Variants in ZFAND3 observed in about 807,000 individuals in gnomAD.
ZFAND3 encodes zinc finger AN1-type containing 3, also known as AN1-type zinc finger protein 3.
In ZFAND3, 10 loss-of-function variants were observed where a neutral mutation model predicts 29.6. That is an observed-to-expected ratio of 0.34 (90% confidence interval 0.21 to 0.57). The LOEUF is 0.57. ZFAND3 is among the 20% of genes least tolerant of loss of function. ZFAND3 has a pLI of 0.86. For missense variants in ZFAND3, 230 were observed against 304.5 expected (o/e 0.76, Z 1.82); for synonymous variants, 128 against 112.6 (o/e 1.14, Z -0.87).
chr6:37,962,750 G>A (rs1762220014), intron 2 of ZFAND3, among the ~76,000 whole-genome samples: 1 of 152,206 alleles, frequency 6.6e-6, no homozygotes, highest in Admixed American at 6.5e-5. Context: ...GGCCACCTGA[G>A]CCAGCAAGGG....
At chr6:37,887,494 T>C (rs1765016915) in intron 1 of ZFAND3, among the ~76,000 whole-genome samples, 1 of 152,218 alleles carries the variant, frequency 6.6e-6, no homozygotes, top group Admixed American at 6.5e-5. Context: ...GAACTTACTA[T>C]GTTGGAAATT....
intron 1 of ZFAND3, among the ~76,000 whole-genome samples, chr6:37,903,979 A>G (rs1228042018): frequency 2.0e-5 from 3 of 152,180 alleles, no homozygotes; most frequent in African/African-American, 4.8e-5. Flanking sequence ...ATAAATAACT[A>G]TAGCCTACAG....
chr6:37,839,803 G>A (rs959132654), intron 1 of ZFAND3, among the ~76,000 whole-genome samples: 2 of 152,098 alleles, frequency 1.3e-5, no homozygotes, highest in African/African-American at 4.8e-5. Context: ...TTGAGCCACC[G>A]CACCCGGCCA....
chr6:37,886,237 C>CAAAAAAAAAAAAAAAAAAAAAAA (rs55661554), intron 1 of ZFAND3, among the ~76,000 whole-genome samples: 1 of 95,306 alleles, frequency 1.0e-5, no homozygotes, highest in African/African-American at 3.6e-5. Flanking sequence ...GACTCTGTCT[C>CAAAAAAAAAAAAAAAAAAAAAAA]AAAAAAAAAA....
intron 2 of ZFAND3, among the ~76,000 whole-genome samples, chr6:38,053,304 AT>A (rs60101357): frequency 3.4e-4 from 49 of 145,164 alleles, no homozygotes; most frequent in African/African-American, 5.8e-4. Flanking sequence ...TTTTCTTACA[AT>A]TTTTTTTTTT....
chr6:38,089,060 T>G (rs754115765), intron 4 of ZFAND3, among the ~76,000 whole-genome samples: 3 of 152,212 alleles, frequency 2.0e-5, no homozygotes, highest in Non-Finnish European at 4.4e-5. Context: ...CTTTGTATTG[T>G]TCATTGTTCT....
At chr6:37,830,357 AGGT>A (rs1463199393) in intron 1 of ZFAND3, among the ~76,000 whole-genome samples, 2 of 152,154 alleles carry the variant, frequency 1.3e-5, no homozygotes, top group East Asian at 1.9e-4. Context: ...AAACTGTGAG[AGGT>A]GGTCTCATCT....
chr6:38,033,263 T>C (rs756863783), intron 2 of ZFAND3, among the ~76,000 whole-genome samples: 2 of 152,180 alleles, frequency 1.3e-5, no homozygotes, highest in Non-Finnish European at 1.5e-5. Context: ...TCATCTATAA[T>C]GAGAAGGGAT....
chr6:38,026,723 G>C (rs559503798), intron 2 of ZFAND3, among the ~76,000 whole-genome samples: 1 of 151,952 alleles, frequency 6.6e-6, no homozygotes, highest in East Asian at 1.9e-4. Flanking sequence ...GAGCTACCAC[G>C]CCCGGCCAAT....
At chr6:38,147,626 T>C (rs1167240024) in intron 5 of ZFAND3, among the ~76,000 whole-genome samples, 1 of 152,248 alleles carries the variant, frequency 6.6e-6, no homozygotes, top group Non-Finnish European at 1.5e-5. Context: ...TTTCTCTGCA[T>C]CCTCGCCAGG....
chr6:38,118,098 A>T (rs1470354641), intron 5 of ZFAND3, among the ~76,000 whole-genome samples: 2 of 152,178 alleles, frequency 1.3e-5, no homozygotes, highest in African/African-American at 2.4e-5. Flanking sequence ...AACCGTAAAG[A>T]GGGTTAGGAT....
At chr6:37,922,208 C>G (rs1229783408) in intron 1 of ZFAND3, among the ~76,000 whole-genome samples, 1 of 152,012 alleles carries the variant, frequency 6.6e-6, no homozygotes, top group African/African-American at 2.4e-5. Context: ...GTCTCCTTCT[C>G]AGAATCAGTC....
At chr6:37,999,298 TAACTA>T (rs1762904582) in intron 2 of ZFAND3, among the ~76,000 whole-genome samples, 1 of 152,144 alleles carries the variant, frequency 6.6e-6, no homozygotes, top group Admixed American at 6.6e-5. Flanking sequence ...TAGTGATAGA[TAACTA>T]AAAGAGGGAG....
chr6:37,953,857 C>T (rs916529558), intron 2 of ZFAND3, among the ~76,000 whole-genome samples: 1 of 152,084 alleles, frequency 6.6e-6, no homozygotes, highest in African/African-American at 2.4e-5. Context: ...CTAGATTTCT[C>T]TCTGGTATCA....
intron 1 of ZFAND3, among the ~76,000 whole-genome samples, chr6:37,872,286 A>T (rs1764708931): frequency 6.6e-6 from 1 of 152,142 alleles, no homozygotes; most frequent in African/African-American, 2.4e-5. Context: ...CCTGGTTTTG[A>T]TTGCTGTTCA....
intron 1 of ZFAND3, among the ~76,000 whole-genome samples, chr6:37,902,917 C>G (rs571912200): frequency 6.6e-6 from 1 of 151,962 alleles, no homozygotes; most frequent in East Asian, 1.9e-4. Context: ...AAACATTACC[C>G]TATGTTGTTA....
chr6:38,050,605 C>T (rs1162652134), intron 2 of ZFAND3, among the ~76,000 whole-genome samples: 1 of 152,102 alleles, frequency 6.6e-6, no homozygotes, highest in Non-Finnish European at 1.5e-5. Flanking sequence ...GACATGTTTG[C>T]TTCCCCTTCT....
chr6:37,924,977 A>G (rs1385486822), intron 1 of ZFAND3, among the ~76,000 whole-genome samples: 1 of 152,076 alleles, frequency 6.6e-6, no homozygotes, highest in Non-Finnish European at 1.5e-5. Context: ...AGAACAGAGA[A>G]AAGGCAAGCA....
At chr6:37,842,144 C>A (rs1262429636) in intron 1 of ZFAND3, among the ~76,000 whole-genome samples, 1 of 152,174 alleles carries the variant, frequency 6.6e-6, no homozygotes, top group South Asian at 2.1e-4. Flanking sequence ...AGCCCCACTT[C>A]TTTATACTAT....
Sources: allele counts gnomAD v4.1 joint callset (sites outside exome capture counted in the v4.1 genomes callset), GRCh38; gene constraint gnomAD v4.1.1; transcripts MANE v1.5; gene names NCBI Gene and HGNC (gene_info 2026-07-23, HGNC 2026-07-21).